Variants in LRRTM4 observed in about 807,000 individuals in gnomAD.
LRRTM4 encodes leucine-rich repeat transmembrane neuronal protein 4.
LRRTM4 carries 25 observed loss-of-function variants against 47.6 expected under a neutral mutation model. That is an observed-to-expected ratio of 0.53 (90% CI 0.38 to 0.73). The LOEUF (loss-of-function observed/expected upper bound fraction) is 0.73. LRRTM4 is among the 30% of genes least tolerant of loss of function. The probability of loss-of-function intolerance (pLI) is 0.00; values close to 1 mark genes in which losing one functional copy is unlikely to be tolerated. For synonymous variants in LRRTM4, 311 were observed against 269.5 expected (o/e 1.15, Z -1.51); for missense variants, 638 against 713.4 (o/e 0.89, Z 1.20).
intron 3 of LRRTM4, among the ~76,000 whole-genome samples, chr2:77,175,918 C>G (rs1673183288): frequency 1.3e-5 from 2 of 151,354 alleles, no homozygotes; most frequent in South Asian, 2.1e-4. Context: ...CTCAGTCTCT[C>G]AAAGTGCTGG....
intron 3 of LRRTM4, among the ~76,000 whole-genome samples, chr2:76,757,305 A>G (rs916439046): frequency 1.3e-5 from 2 of 152,146 alleles, no homozygotes; most frequent in Non-Finnish European, 2.9e-5. Flanking sequence ...TGTGTACTCA[A>G]CAGTTATCCA....
intron 3 of LRRTM4, among the ~76,000 whole-genome samples, chr2:77,074,076 G>A (rs1680254010): frequency 6.6e-6 from 1 of 151,894 alleles, no homozygotes; most frequent in Admixed American, 6.6e-5. Flanking sequence ...TTTCAATATT[G>A]CATAGTGATA....
chr2:77,457,034 ATATATATATATATATATG>A (rs1213232562), intron 3 of LRRTM4, among the ~76,000 whole-genome samples: 472 of 24,918 alleles, frequency 0.019, 30 homozygotes, highest in East Asian at 0.16. Context: ...ATATATATAT[ATATATATATATATATATG>A]TATAACCTGG....
Position 76,911,718 on chromosome 2 carries a change from G to A in LRRTM4, c.1552-162802C>T, listed in dbSNP as rs149669405. On this transcript the variant is annotated intron_variant, in intron 3 of 3. Transcript: ENST00000409884. Reference sequence around the variant, plus strand: ...AGGAAGAGAAAGGGAGAGACAGGTAGAAATGTCAGTAGAAATGGAATAGGC... The same window carrying A: ...AGGAAGAGAAAGGGAGAGACAGGTAAAAATGTCAGTAGAAATGGAATAGGC... Among the ~76,000 whole-genome samples, 328 of 149,624 alleles carry A rather than the reference G, an allele frequency of 2.2e-3. 7 individuals are homozygous for A. Among genetic ancestry groups the A allele is most frequent in the African/African-American group, 8.1e-3 (319 of 39,182 alleles).
At chr2:77,460,458 A>G (rs141581498) in intron 3 of LRRTM4, among the ~76,000 whole-genome samples, 141 of 152,244 alleles carry the variant, frequency 9.3e-4, no homozygotes, top group Middle Eastern at 3.4e-3. Flanking sequence ...GATGACAATG[A>G]ATATCTTTTG....
At chr2:77,353,189 T>TAAAG (rs1310052304) in intron 3 of LRRTM4, among the ~76,000 whole-genome samples, 1 of 152,170 alleles carries the variant, frequency 6.6e-6, no homozygotes, top group Non-Finnish European at 1.5e-5. Context: ...CAAGATAATT[T>TAAAG]TATTTTTTCA....
intron 3 of LRRTM4, among the ~76,000 whole-genome samples, chr2:77,397,782 C>A (rs1489819402): frequency 6.6e-6 from 1 of 151,796 alleles, no homozygotes; most frequent in Non-Finnish European, 1.5e-5. Flanking sequence ...AAAGTGATAC[C>A]TTGAGTATAA....
Position 76,893,898 on chromosome 2 carries a change from C to T in LRRTM4, c.1552-144982G>A, listed in dbSNP as rs188409785. 5.3e-3 allele frequency among the ~76,000 whole-genome samples: 809 copies of T among 152,002 alleles called. 7 individuals carry two copies. The highest frequency in any genetic ancestry group is 6.5e-3 in the Non-Finnish European group (442 of 67,876). On this transcript the variant is annotated intron_variant, in intron 3 of 3. Coordinates refer to ENST00000409884, the MANE Select transcript of LRRTM4 (RefSeq NM_001134745.3). Reference sequence around the variant, plus strand: ...ATTTGTACATGTCTCATATGTTTAACATCAGGAGAAAGTCACTTTTCATAG... The same window carrying T: ...ATTTGTACATGTCTCATATGTTTAATATCAGGAGAAAGTCACTTTTCATAG...
At chr2:76,957,956 A>G (rs1320835825) in intron 3 of LRRTM4, among the ~76,000 whole-genome samples, 3 of 151,682 alleles carry the variant, frequency 2.0e-5, no homozygotes, top group Non-Finnish European at 4.4e-5. Flanking sequence ...ATATTTATAT[A>G]TAATTTTAAT....
intron 3 of LRRTM4, among the ~76,000 whole-genome samples, chr2:77,053,480 G>C (rs905658414): frequency 2.0e-5 from 3 of 152,024 alleles, no homozygotes; most frequent in Admixed American, 6.6e-5. Flanking sequence ...ACAATTGTAG[G>C]CCTAGGACTC....
intron 3 of LRRTM4, among the ~76,000 whole-genome samples, chr2:77,165,741 C>T (rs775767087): frequency 5.9e-5 from 9 of 152,142 alleles, no homozygotes; most frequent in Admixed American, 1.3e-4. Flanking sequence ...CAGAAAAGGC[C>T]TTCAACAAAA....
At chr2:76,844,752 T>G (rs925935163) in intron 3 of LRRTM4, among the ~76,000 whole-genome samples, 2 of 152,176 alleles carry the variant, frequency 1.3e-5, no homozygotes, top group Non-Finnish European at 2.9e-5. Context: ...TTAATGATGT[T>G]TGGATGTTGC....
intron 3 of LRRTM4, among the ~76,000 whole-genome samples, chr2:77,100,578 G>C (rs762376938): frequency 3.9e-5 from 6 of 151,946 alleles, no homozygotes; most frequent in Non-Finnish European, 5.9e-5. Flanking sequence ...TAAAAGGTAG[G>C]GTTTCTTAAA....
At chr2:77,426,598 A>G (rs1432387939) in intron 3 of LRRTM4, among the ~76,000 whole-genome samples, 1 of 152,136 alleles carries the variant, frequency 6.6e-6, no homozygotes, top group East Asian at 1.9e-4. Context: ...TGGAGCAGTT[A>G]CCCCCATGCT....
intron 3 of LRRTM4, among the ~76,000 whole-genome samples, chr2:76,758,110 C>T (rs1673123670): frequency 6.6e-6 from 1 of 152,048 alleles, no homozygotes; most frequent in Non-Finnish European, 1.5e-5. Context: ...TTTCTAGTGC[C>T]CTTAACTTGT....
At chr2:77,021,158 A>G (rs534221507) in intron 3 of LRRTM4, among the ~76,000 whole-genome samples, 2 of 152,046 alleles carry the variant, frequency 1.3e-5, no homozygotes, top group South Asian at 4.1e-4. Context: ...TGCCTTATCT[A>G]TATGTATAGC....
intron 3 of LRRTM4, among the ~76,000 whole-genome samples, chr2:77,301,268 GT>G (rs999652014): frequency 6.6e-6 from 1 of 151,962 alleles, no homozygotes; most frequent in Non-Finnish European, 1.5e-5. Flanking sequence ...TCAGGAATTT[GT>G]TATTTTGAGT....
At chr2:77,242,777 A>G (rs1000201064) in intron 3 of LRRTM4, among the ~76,000 whole-genome samples, 2 of 152,166 alleles carry the variant, frequency 1.3e-5, no homozygotes, top group African/African-American at 4.8e-5. Context: ...CTATTGGTGG[A>G]CCCAAATAAT....
chr2:77,082,678 AT>A (rs1164721004), intron 3 of LRRTM4, among the ~76,000 whole-genome samples: 6 of 143,830 alleles, frequency 4.2e-5, no homozygotes, highest in Admixed American at 1.4e-4. Context: ...GTTAAAAAAT[AT>A]TAACATAAAG....
Sources: gnomAD v4.1 joint callset for allele counts (sites outside exome capture counted in the v4.1 genomes callset) on GRCh38, gnomAD v4.1.1 for gene constraint, MANE v1.5 for transcripts, NCBI Gene and HGNC (gene_info 2026-07-23, HGNC 2026-07-21) for gene names.